Variants in BMPR2 observed in about 807,000 individuals in gnomAD.
BMPR2 encodes bone morphogenetic protein receptor type 2, also known as bone morphogenetic protein receptor type-2.
BMPR2 carries 29 observed loss-of-function variants against 100.8 expected under a neutral mutation model. That is an observed-to-expected ratio of 0.29 (90% CI 0.21 to 0.39). The LOEUF is 0.39. Among genes scored for constraint, BMPR2 ranks in the 10% least tolerant of loss-of-function variants. BMPR2 has a pLI of 1.00. For missense variants in BMPR2, 1,011 were observed against 1,274.5 expected, an observed-to-expected ratio of 0.79 and a Z score of 3.15; for synonymous variants, 382 against 442.3, an observed-to-expected ratio of 0.86 and a Z score of 1.71.
chr2:202,532,535 T>G lies in BMPR2; in HGVS notation c.1129-50T>G. 6.3e-7 allele frequency: 1 copy of G among 1,594,550 alleles called. No homozygotes were observed. The highest frequency in any genetic ancestry group is 1.3e-5 in the African/African-American group (1 of 74,596). On this transcript the variant is annotated intron_variant, in intron 8 of 12. Coordinates refer to ENST00000374580, the MANE Select transcript of BMPR2 (RefSeq NM_001204.7). The surrounding 1 kb of genome is among the most constrained non-coding windows in gnomAD (Gnocchi z 4.1). ...TAACTTCTGGTCTAATGTCTGTTCT[T>G]CAGAATATGCTACGTTCTCTCTCTA...
chr2:202,382,489 C>T (rs2105896154), intron 1 of BMPR2, among the ~76,000 whole-genome samples: 1 of 152,334 alleles, frequency 6.6e-6, no homozygotes, highest in African/African-American at 2.4e-5. Context: ...CCGCACCTGA[C>T]CAGGTATCAG....
At chr2:202,453,423 C>T (rs1236230496) in intron 1 of BMPR2, among the ~76,000 whole-genome samples, 1 of 152,096 alleles carries the variant, frequency 6.6e-6, no homozygotes, top group Non-Finnish European at 1.5e-5. Context: ...TGGCCATCAA[C>T]AGGTGAATGA....
intron 1 of BMPR2, among the ~76,000 whole-genome samples, chr2:202,413,438 C>T (rs1691055037): frequency 6.6e-6 from 1 of 152,094 alleles, no homozygotes; most frequent in Non-Finnish European, 1.5e-5. Context: ...AACAATCACA[C>T]GCACACAAAA....
At chr2:202,486,738 C>CT (rs1692786839) in intron 3 of BMPR2, among the ~76,000 whole-genome samples, 1 of 151,986 alleles carries the variant, frequency 6.6e-6, no homozygotes, top group South Asian at 2.1e-4. Context: ...GAATAAAGAA[C>CT]TTTAAGACTG....
intron 1 of BMPR2, among the ~76,000 whole-genome samples, chr2:202,447,111 G>C (rs1324852438): frequency 6.7e-6 from 1 of 148,878 alleles, no homozygotes; most frequent in East Asian, 2.0e-4. Flanking sequence ...TTTGAGACCA[G>C]CCTGGCCAAC....
chr2:202,469,787 T>C (rs992324673), intron 3 of BMPR2, among the ~76,000 whole-genome samples: 1 of 151,964 alleles, frequency 6.6e-6, no homozygotes, highest in Admixed American at 6.6e-5. Context: ...CCGGCCCCAA[T>C]TGTATTTCAT....
At position 202,385,511 on chromosome 2, in the gene BMPR2, G is replaced by A. The variant is rs373135737; in HGVS notation, c.76+7961G>A. Among the ~76,000 whole-genome samples, 39 of 151,464 alleles carry A rather than the reference G, an allele frequency of 2.6e-4. No individual in the cohort carries two copies. The South Asian group carries it at 7.3e-3, about 28-fold the overall frequency. ...CGCCCGAGTAGCTGGGACTACAGGT[G>A]TGCGCCACCATGTCCGGCTAGTTTT... On this transcript the variant is annotated intron_variant, in intron 1 of 12. Transcript: ENST00000374580.
chr2:202,424,473 G>A (rs185897156), intron 1 of BMPR2, among the ~76,000 whole-genome samples: 123 of 150,910 alleles, frequency 8.2e-4, no homozygotes, highest in Non-Finnish European at 1.5e-3. Context: ...TGAGGCGGGT[G>A]GATCACGAGG....
At chr2:202,546,350 T>G (rs1276653210) in intron 10 of BMPR2, among the ~76,000 whole-genome samples, 1 of 152,150 alleles carries the variant, frequency 6.6e-6, no homozygotes. Context: ...CAAATATTAA[T>G]GAATATAAAA....
chr2:202,446,488 C>T lies in BMPR2; in HGVS notation c.77-18321C>T, dbSNP rs756597184. Among the ~76,000 whole-genome samples the T allele has an allele frequency of 3.3e-5, 5 of 150,238 alleles. 1 individual carries two copies. Among genetic ancestry groups the T allele is most frequent in the African/African-American group, 5.0e-5 (2 of 39,832 alleles). On this transcript the variant is annotated intron_variant, in intron 1 of 12. Transcript: ENST00000374580. ...ATTTTTAGCTCTACAATTTTATGTT[C>T]GCTTGTGTTTTTGAGTCTGTAAATC...
intron 1 of BMPR2, among the ~76,000 whole-genome samples, chr2:202,454,253 T>C (rs1250332919): frequency 1.3e-5 from 2 of 151,912 alleles, no homozygotes; most frequent in Non-Finnish European, 2.9e-5. Context: ...GTATTTTTGG[T>C]AGAGATAGGG....
At chr2:202,458,974 C>T (rs961485137) in intron 1 of BMPR2, among the ~76,000 whole-genome samples, 4 of 152,132 alleles carry the variant, frequency 2.6e-5, no homozygotes, top group Non-Finnish European at 5.9e-5. Flanking sequence ...GTTCTCAAAA[C>T]GTTGGAGTGA....
chr2:202,527,314 GTC>G (rs1054275191), intron 7 of BMPR2, among the ~76,000 whole-genome samples: 5 of 151,110 alleles, frequency 3.3e-5, no homozygotes, highest in African/African-American at 9.7e-5. Flanking sequence ...GTGAAACCCT[GTC>G]TCTACTAAAA....
intron 1 of BMPR2, among the ~76,000 whole-genome samples, chr2:202,426,902 A>G (rs1691397736): frequency 6.6e-6 from 1 of 152,098 alleles, no homozygotes; most frequent in African/African-American, 2.4e-5. Flanking sequence ...AATAAAATAA[A>G]TTGCTCTGGT....
At chr2:202,462,991 G>A (rs1236549995) in intron 1 of BMPR2, among the ~76,000 whole-genome samples, 3 of 152,086 alleles carry the variant, frequency 2.0e-5, no homozygotes, top group African/African-American at 7.2e-5. Context: ...GGGATTACAG[G>A]TGTGAGCCAC....
chr2:202,535,452 G>A (rs558665892), intron 9 of BMPR2, among the ~76,000 whole-genome samples: 2,192 of 150,728 alleles, frequency 0.015, 29 homozygotes, highest in South Asian at 0.04. Flanking sequence ...AGACGGGGCG[G>A]CGGGGCAGAG....
chr2:202,388,726 T>A (rs565130569), intron 1 of BMPR2, among the ~76,000 whole-genome samples: 6 of 150,454 alleles, frequency 4.0e-5, no homozygotes, highest in Admixed American at 1.3e-4. Context: ...AGGTGGAGGT[T>A]GCAGTGAGCC....
intron 3 of BMPR2, among the ~76,000 whole-genome samples, chr2:202,494,920 A>G (rs1180802268): frequency 6.6e-6 from 1 of 152,174 alleles, no homozygotes; most frequent in Non-Finnish European, 1.5e-5. Flanking sequence ...ATGAAATGGG[A>G]AAAGTTCCCT....
chr2:202,436,730 A>G (rs772001605), intron 1 of BMPR2, among the ~76,000 whole-genome samples: 6 of 150,490 alleles, frequency 4.0e-5, no homozygotes, highest in Non-Finnish European at 8.8e-5. Context: ...TCTAACTTAT[A>G]TATGTGGTCC....
Sources: gnomAD v4.1 joint callset for allele counts (sites outside exome capture counted in the v4.1 genomes callset) on GRCh38, gnomAD v4.1.1 for gene constraint, Gnocchi (gnomAD v3.1) non-coding constraint, MANE v1.5 for transcripts, NCBI Gene and HGNC (gene_info 2026-07-23, HGNC 2026-07-21) for gene names.